ROBO2: variants seen among roughly 807,000 people sequenced by gnomAD.
ROBO2 encodes the protein roundabout guidance receptor 2.
In ROBO2, 53 loss-of-function variants were observed where a neutral mutation model predicts 160.8. That is an observed-to-expected ratio of 0.33 (90% CI 0.26 to 0.41). The LOEUF (loss-of-function observed/expected upper bound fraction) is 0.41, where lower values mean the gene tolerates loss of function less well. ROBO2 is among the 10% of genes least tolerant of loss of function. The pLI is 1.00. For missense variants in ROBO2, 1,577 were observed against 1,722.4 expected (o/e 0.92, Z 1.49); for synonymous variants, 664 against 611.7 (o/e 1.09, Z -1.26).
chr3:76,897,493 T>G (rs2074888072), intron 2 of ROBO2, among the ~76,000 whole-genome samples: 1 of 152,118 alleles, frequency 6.6e-6, no homozygotes, highest in Non-Finnish European at 1.5e-5. Flanking sequence ...AATCACATTT[T>G]GCTCTGATGC....
intron 2 of ROBO2, among the ~76,000 whole-genome samples, chr3:76,199,133 G>T (rs1404214269): frequency 6.6e-6 from 1 of 152,110 alleles, no homozygotes; most frequent in African/African-American, 2.4e-5. Context: ...AACCTTGAAA[G>T]CCCTCCCAGT....
At position 76,255,094 on chromosome 3, in the gene ROBO2, G is replaced by A. The variant is rs987437098; in HGVS notation, c.109+317492G>A. The stretch of plus-strand genomic sequence containing the variant: ...ATTCATTAGGATAAGAAGTTGGAGA[G>A]AGGATCAAATTTGAGAAAAGTCATT... On this transcript the variant is annotated intron_variant, in intron 2 of 26. Coordinates refer to the ROBO2 transcript ENST00000487694. Among the ~76,000 whole-genome samples the A allele has an allele frequency of 3.3e-5, 5 of 152,174 alleles. 1 individual carries two copies. Among genetic ancestry groups the A allele is most frequent in the Admixed American group, 2.6e-4 (4 of 15,274 alleles).
At chr3:77,334,794 A>G (rs1046390395) in intron 2 of ROBO2, among the ~76,000 whole-genome samples, 6 of 152,172 alleles carry the variant, frequency 3.9e-5, no homozygotes, top group Non-Finnish European at 7.3e-5. Flanking sequence ...GGTACCACTT[A>G]TTAGGCCTTA....
At chr3:77,477,365 C>T (rs1250090497) in intron 2 of ROBO2, 49 bp from the exon 3 acceptor site, 15 of 1,593,086 alleles carry the variant, frequency 9.4e-6, no homozygotes, top group Non-Finnish European at 1.3e-5. Context: ...AACAAAAAGC[C>T]TAAGTTACTG....
intron 2 of ROBO2, among the ~76,000 whole-genome samples, chr3:76,245,484 A>G (rs139206763): frequency 1.3e-5 from 2 of 152,320 alleles, no homozygotes; most frequent in African/African-American, 4.8e-5. Context: ...CCTAAAATAC[A>G]ATACTCATTA....
intron 2 of ROBO2, among the ~76,000 whole-genome samples, chr3:76,518,621 T>C (rs182880772): frequency 6.6e-6 from 1 of 152,326 alleles, no homozygotes; most frequent in Admixed American, 6.5e-5. Context: ...TTTACCTCTT[T>C]AAATTTCCTA....
At chr3:76,241,649 A>C (rs938819464) in intron 2 of ROBO2, among the ~76,000 whole-genome samples, 1 of 152,220 alleles carries the variant, frequency 6.6e-6, no homozygotes, top group African/African-American at 2.4e-5. Flanking sequence ...TCTGCACAAA[A>C]TGCTCAAATA....
At chr3:76,436,400 C>T (rs1246371930) in intron 2 of ROBO2, among the ~76,000 whole-genome samples, 2 of 152,200 alleles carry the variant, frequency 1.3e-5, no homozygotes, top group Non-Finnish European at 2.9e-5. Flanking sequence ...TCATGCTCAT[C>T]AGCTTATGGC....
intron 2 of ROBO2, among the ~76,000 whole-genome samples, chr3:77,248,981 G>A (rs563381024): frequency 5.9e-5 from 9 of 152,148 alleles, no homozygotes; most frequent in African/African-American, 1.2e-4. Context: ...GGGTTCAAGC[G>A]ATCCTCCTGC....
chr3:77,065,663 T>G (rs1052729749), intron 1 of ROBO2, among the ~76,000 whole-genome samples: 2 of 152,146 alleles, frequency 1.3e-5, no homozygotes, highest in Non-Finnish European at 2.9e-5. Flanking sequence ...TTTCTTAAAA[T>G]TGGTTAATTT....
In ROBO2 at chr3:77,141,130, T is replaced by C. The variant is rs536337275; in HGVS notation, c.388+42790T>C. Among the ~76,000 whole-genome samples, 4 of 152,330 alleles carry C rather than the reference T, an allele frequency of 2.6e-5. No individual in the cohort carries two copies. The East Asian group carries it at 7.7e-4, about 29-fold the overall frequency. ...GAAGTATTTCCTGAAATGAACAATGTAATTTGATCTTATAGCAAGTAATAT... is the reference window on the plus strand; with the variant it reads ...GAAGTATTTCCTGAAATGAACAATGCAATTTGATCTTATAGCAAGTAATAT... On this transcript the variant is annotated intron_variant, in intron 2 of 25. Transcript: ENST00000461745.
At chr3:76,696,600 C>A (rs1196811792) in intron 2 of ROBO2, among the ~76,000 whole-genome samples, 1 of 152,156 alleles carries the variant, frequency 6.6e-6, no homozygotes, top group Non-Finnish European at 1.5e-5. Context: ...CCATTATATT[C>A]TATTTTTCTT....
At chr3:76,434,456 G>T in intron 2 of ROBO2, 1 of 1,553,384 alleles carries the variant, frequency 6.4e-7, no homozygotes, top group Admixed American at 1.7e-5. Flanking sequence ...TGGCACTTAT[G>T]TGAAAGAAAT....
rs549475688 is a variant in ROBO2, at chr3:76,797,166, G to A, written c.110-300848G>A. On this transcript the variant is annotated intron_variant, in intron 2 of 26. Transcript: ENST00000487694. ...TACACATTCTTCTCCTCAGCACATG[G>A]ATAAGTCTCAAGAACAGACCTTACA... Among the ~76,000 whole-genome samples, 12 of 152,178 alleles carry A rather than the reference G, an allele frequency of 7.9e-5. No individual in the cohort carries two copies. In the South Asian group the frequency reaches 2.3e-3, roughly 29 times the overall value.
intron 2 of ROBO2, among the ~76,000 whole-genome samples, chr3:76,642,800 AC>A (rs1421176133): frequency 6.6e-6 from 1 of 152,212 alleles, no homozygotes; most frequent in Non-Finnish European, 1.5e-5. Flanking sequence ...TCCACCAAAT[AC>A]GTAAAACCAT....
chr3:76,375,141 A>G (rs910574447), intron 2 of ROBO2, among the ~76,000 whole-genome samples: 2 of 151,926 alleles, frequency 1.3e-5, no homozygotes, highest in Admixed American at 1.3e-4. Flanking sequence ...TCAGAATTAG[A>G]TTTCAGTAAA....
chr3:76,938,971 C>CA (rs71629626), intron 2 of ROBO2, among the ~76,000 whole-genome samples: 2,822 of 113,796 alleles, frequency 0.025, 79 homozygotes, highest in African/African-American at 0.033. Flanking sequence ...AACTCAGTCT[C>CA]AAAAAAAAAA....
At chr3:77,308,931 G>T (rs1299965387) in intron 2 of ROBO2, among the ~76,000 whole-genome samples, 1 of 152,082 alleles carries the variant, frequency 6.6e-6, no homozygotes, top group Non-Finnish European at 1.5e-5. Flanking sequence ...ATTCAGTCTT[G>T]ATCCAAAACT....
intron 2 of ROBO2, among the ~76,000 whole-genome samples, chr3:77,248,404 T>A (rs2089974009): frequency 6.6e-6 from 1 of 151,852 alleles, no homozygotes; most frequent in Non-Finnish European, 1.5e-5. Context: ...GACCCTCCAC[T>A]GAGCTGTTAA....
Sources: allele counts gnomAD v4.1 joint callset (sites outside exome capture counted in the v4.1 genomes callset), GRCh38; gene constraint gnomAD v4.1.1; transcripts MANE v1.5; gene names NCBI Gene and HGNC (gene_info 2026-07-23, HGNC 2026-07-21).